The following ERBB4 variants were observed in gnomAD, a reference collection of about 807,000 sequenced individuals.
ERBB4 encodes receptor tyrosine-protein kinase erbB-4.
Under a neutral mutation model 158.0 loss-of-function variants are expected in ERBB4, and 42 were observed. That is an observed-to-expected ratio of 0.27 (90% CI 0.21 to 0.34). The LOEUF (loss-of-function observed/expected upper bound fraction) is 0.34. Ranked by LOEUF, ERBB4 falls within the 10% of genes least tolerant of loss-of-function variation. ERBB4 has a pLI of 1.00. For missense variants in ERBB4, 1,333 were observed against 1,624.1 expected (o/e 0.82, Z 3.08); for synonymous variants, 583 against 558.7 (o/e 1.04, Z -0.61).
At chr2:211,631,993 TAAAA>T (rs562757262) in intron 16 of ERBB4, among the ~76,000 whole-genome samples, 5 of 151,880 alleles carry the variant, frequency 3.3e-5, no homozygotes, top group Admixed American at 6.6e-5. Context: ...AAAAAGCTCA[TAAAA>T]AAAATCTGCG....
intron 3 of ERBB4, among the ~76,000 whole-genome samples, chr2:211,897,419 A>G (rs1461985817): frequency 1.3e-5 from 2 of 151,650 alleles, no homozygotes; most frequent in African/African-American, 4.9e-5. Flanking sequence ...ATCTTCCTGT[A>G]AGATCACAAA....
chr2:212,255,993 A>ATT lies in ERBB4; in HGVS notation c.83-131092_83-131091dup, dbSNP rs374307755. On this transcript the variant is annotated intron_variant, in intron 1 of 27. Transcript: ENST00000342788. ...ATGCCACCATTCCTGGCTAAGTTTT[A>ATT]TTTATTTATTTTTTTTTTACAAATG... Among the ~76,000 whole-genome samples, 62 of 65,502 alleles carry ATT rather than the reference A, an allele frequency of 9.5e-4. 1 individual carries two copies. Among genetic ancestry groups the ATT allele is most frequent in the South Asian group, 5.4e-3 (6 of 1,104 alleles). 43.0% of individuals were successfully genotyped at this position (65,502 alleles called of 152,430 possible).
At chr2:211,635,337 A>T (rs1311863814) in intron 16 of ERBB4, among the ~76,000 whole-genome samples, 1 of 152,212 alleles carries the variant, frequency 6.6e-6, no homozygotes, top group Non-Finnish European at 1.5e-5. Context: ...AAAGCAAATG[A>T]TTTGGTTTTC....
intron 3 of ERBB4, among the ~76,000 whole-genome samples, chr2:211,799,266 AT>A (rs1192636177): frequency 2.0e-5 from 3 of 152,112 alleles, no homozygotes; most frequent in Non-Finnish European, 4.4e-5. Flanking sequence ...TTATTTTCAT[AT>A]TGTCACATCT....
chr2:211,579,734 T>C (rs576780276), intron 19 of ERBB4, among the ~76,000 whole-genome samples: 1 of 145,460 alleles, frequency 6.9e-6, no homozygotes, highest in Admixed American at 7.0e-5. Flanking sequence ...CACTTATAAG[T>C]GGGATCTGAA....
At chr2:211,714,332 C>T (rs948961385) in intron 7 of ERBB4, among the ~76,000 whole-genome samples, 2 of 152,164 alleles carry the variant, frequency 1.3e-5, no homozygotes, top group South Asian at 2.1e-4. Context: ...ATAGGAAACA[C>T]AATACCTGCT....
chr2:212,134,561 G>T (rs960124285), intron 1 of ERBB4, among the ~76,000 whole-genome samples: 4 of 150,616 alleles, frequency 2.7e-5, no homozygotes, highest in Admixed American at 2.6e-4. Flanking sequence ...TGTAAAAATT[G>T]GTATCCTTTT....
intron 1 of ERBB4, among the ~76,000 whole-genome samples, chr2:212,440,375 C>T (rs988130131): frequency 2.6e-5 from 4 of 152,208 alleles, no homozygotes; most frequent in Non-Finnish European, 2.9e-5. Flanking sequence ...TGGATGCTTC[C>T]TGCCCTCAAA....
At chr2:211,558,551 T>A (rs1475074901) in intron 20 of ERBB4, among the ~76,000 whole-genome samples, 1 of 152,206 alleles carries the variant, frequency 6.6e-6, no homozygotes, top group East Asian at 1.9e-4. Context: ...GGTAAGATAT[T>A]ATTCAACCTA....
At chr2:211,759,985 C>T (rs1432456960) in intron 4 of ERBB4, among the ~76,000 whole-genome samples, 9 of 151,982 alleles carry the variant, frequency 5.9e-5, no homozygotes, top group Non-Finnish European at 1.3e-4. Flanking sequence ...ATAGACATGC[C>T]AAAATTCAAT....
chr2:212,017,145 T>C (rs1403227931), intron 2 of ERBB4, among the ~76,000 whole-genome samples: 4 of 152,172 alleles, frequency 2.6e-5, no homozygotes, highest in Non-Finnish European at 4.4e-5. Context: ...TTTGCTGCAC[T>C]TGTATTTTCA....
chr2:211,482,397 T>G (rs767188651), intron 20 of ERBB4, among the ~76,000 whole-genome samples: 2 of 152,182 alleles, frequency 1.3e-5, no homozygotes, highest in Non-Finnish European at 1.5e-5. Flanking sequence ...CTAGACTAAA[T>G]GCAGTTGTAT....
chr2:212,059,432 GA>G (rs1427515898), intron 2 of ERBB4, among the ~76,000 whole-genome samples: 7 of 152,074 alleles, frequency 4.6e-5, no homozygotes, highest in African/African-American at 1.7e-4. Flanking sequence ...CACACAATTG[GA>G]AAAAACTGCT....
chr2:211,765,467 G>T (rs1351519788), intron 4 of ERBB4, among the ~76,000 whole-genome samples: 1 of 152,024 alleles, frequency 6.6e-6, no homozygotes, highest in African/African-American at 2.4e-5. Flanking sequence ...CTATTGATAA[G>T]ACCATGTTTT....
chr2:211,712,498 C>T (rs560780026), intron 8 of ERBB4, among the ~76,000 whole-genome samples: 9 of 152,134 alleles, frequency 5.9e-5, no homozygotes, highest in African/African-American at 2.2e-4. Context: ...CTCCTAACAA[C>T]ATAAAATTAT....
intron 1 of ERBB4, among the ~76,000 whole-genome samples, chr2:212,319,900 G>C (rs952543698): frequency 6.7e-6 from 1 of 150,178 alleles, no homozygotes. Flanking sequence ...TCGTTCCAAA[G>C]CTAGGGGCCA....
At chr2:211,889,746 C>T (rs2106180252) in intron 3 of ERBB4, among the ~76,000 whole-genome samples, 1 of 150,940 alleles carries the variant, frequency 6.6e-6, no homozygotes, top group South Asian at 2.1e-4. Context: ...GGCTCGAGAA[C>T]TACGTGAAGA....
chr2:212,290,229 T>C (rs1272317545), intron 1 of ERBB4, among the ~76,000 whole-genome samples: 6 of 152,136 alleles, frequency 3.9e-5, no homozygotes, highest in Non-Finnish European at 7.4e-5. Context: ...CTTTTTGACA[T>C]CTGTAGATTG....
chr2:212,265,471 C>T (rs1448677835), intron 1 of ERBB4, among the ~76,000 whole-genome samples: 2 of 152,016 alleles, frequency 1.3e-5, no homozygotes, highest in African/African-American at 4.8e-5. Context: ...TTTATAGCTC[C>T]TATCCTAAGA....
Sources: allele counts gnomAD v4.1 joint callset (sites outside exome capture counted in the v4.1 genomes callset), GRCh38; gene constraint gnomAD v4.1.1; transcripts MANE v1.5; gene names NCBI Gene and HGNC (gene_info 2026-07-23, HGNC 2026-07-21).